PROX1: variants seen among roughly 807,000 people sequenced by gnomAD.
PROX1 encodes prospero homeobox 1.
Under a neutral mutation model 58.8 loss-of-function variants are expected in PROX1, and 7 were observed. The ratio of observed to expected loss-of-function variants is 0.12; its 90% confidence interval spans 0.07 to 0.22. PROX1 has a LOEUF of 0.22. Ranked by LOEUF, PROX1 falls within the 10% of genes least tolerant of loss-of-function variation. The pLI is 1.00. For synonymous variants in PROX1, 350 were observed against 358.3 expected (o/e 0.98, Z 0.26); for missense variants, 675 against 927.8 (o/e 0.73, Z 3.54).
intron 2 of PROX1, among the ~76,000 whole-genome samples, chr1:214,003,149 A>G (rs868284249): frequency 1.2e-4 from 19 of 152,264 alleles, no homozygotes; most frequent in Admixed American, 3.3e-4. Context: ...AATTAGATGT[A>G]TTAAAAGCTT....
intron 4 of PROX1, among the ~76,000 whole-genome samples, chr1:214,031,459 G>C (rs1664654895): frequency 6.6e-6 from 1 of 152,064 alleles, no homozygotes; most frequent in South Asian, 2.1e-4. Flanking sequence ...CCTGTGGCAT[G>C]TCCAAAGGCA....
At position 214,035,781 on chromosome 1, in the gene PROX1, G is replaced by C; in HGVS notation, c.2161G>C (p.Val721Leu). 6.2e-7 allele frequency: 1 copy of C among 1,613,924 alleles called. No homozygotes were observed. Among genetic ancestry groups the C allele is most frequent in the African/African-American group, 1.3e-5 (1 of 75,042 alleles). Residue 721 changes from valine to leucine, a missense_variant, in exon 5 of 5, where the codon GTC (valine) becomes CTC (leucine). Physicochemically the swap from Val to Leu is conservative, Grantham distance 32. Transcript: ENST00000366958. ...GGTCATCTGCAAGCTGGATAGTGAA[G>C]TCCCTGAGATTTTCAAATCCCCGAA... ...YKVICKLDSE[V>L]PEIFKSPNCL...
intron 4 of PROX1, 98 bp from the exon 5 acceptor site, chr1:214,035,551 C>G (rs1664800498): frequency 1.6e-6 from 2 of 1,227,800 alleles, no homozygotes; most frequent in South Asian, 3.5e-5. Flanking sequence ...CCATGTAAGC[C>G]CCTTTCTGCA....
chr1:214,014,746 C>T (rs1471153467), intron 4 of PROX1, among the ~76,000 whole-genome samples: 3 of 152,192 alleles, frequency 2.0e-5, no homozygotes, highest in Middle Eastern at 3.2e-3. Flanking sequence ...GGTTTGACGT[C>T]TCTTCACTAC....
At chr1:214,032,394 TC>T (rs1476298844) in intron 4 of PROX1, among the ~76,000 whole-genome samples, 1 of 151,654 alleles carries the variant, frequency 6.6e-6, no homozygotes, top group African/African-American at 2.4e-5. Context: ...ATTTTAAACT[TC>T]TTTTTTTTTT....
In PROX1 at chr1:214,040,841, G is replaced by T. The variant is rs1386499698; in HGVS notation, c.*5007G>T. The stretch of plus-strand genomic sequence containing the variant: ...TTCTGAAGACTTTGCATAATTTATT[G>T]GTTTAATTTATCCTAATTTATTTGA... On this transcript the variant is annotated 3_prime_UTR_variant, in exon 5 of 5. Transcript: ENST00000366958. 2.6e-5 allele frequency: 4 copies of T among 151,380 alleles called. No individual in the cohort carries two copies. The highest frequency in any genetic ancestry group is 5.9e-5 in the Non-Finnish European group (4 of 67,794). The allele number at this position is 151,380 out of a possible 1,614,324, so 9.4% of individuals were successfully genotyped here.
At chr1:214,019,796 C>A (rs1664219592) in intron 4 of PROX1, among the ~76,000 whole-genome samples, 1 of 152,200 alleles carries the variant, frequency 6.6e-6, no homozygotes. Flanking sequence ...GCTTCATTAG[C>A]CCTGCTGCCG....
intron 4 of PROX1, chr1:214,029,935 C>T (rs899503148): frequency 2.0e-5 from 3 of 152,518 alleles, no homozygotes; most frequent in African/African-American, 7.2e-5. Context: ...GTAGAACAGC[C>T]ACAGCGGATT....
At chr1:213,993,197 G>A (rs2102685412) in intron 1 of PROX1, among the ~76,000 whole-genome samples, 1 of 152,150 alleles carries the variant, frequency 6.6e-6, no homozygotes, top group East Asian at 1.9e-4. Context: ...GGGGTTTACA[G>A]GAATAGAGTA....
intron 4 of PROX1, among the ~76,000 whole-genome samples, chr1:214,035,121 CTT>C (rs1279571549): frequency 6.6e-6 from 1 of 152,118 alleles, no homozygotes; most frequent in Non-Finnish European, 1.5e-5. Context: ...TAATATACAA[CTT>C]AGCATCTGAG....
At chr1:213,991,211 A>G (rs891984508) in intron 1 of PROX1, among the ~76,000 whole-genome samples, 4 of 152,216 alleles carry the variant, frequency 2.6e-5, no homozygotes, top group African/African-American at 9.6e-5. Flanking sequence ...TGGGAATTCA[A>G]TGTAAGCACT....
Position 214,039,147 on chromosome 1 carries a change from C to T in PROX1, c.*3313C>T, listed in dbSNP as rs1199521040. The T allele has an allele frequency of 6.6e-6, 1 of 152,134 alleles. No homozygotes were observed. The highest frequency in any genetic ancestry group is 2.4e-5 in the African/African-American group (1 of 41,440). 9.4% of individuals were successfully genotyped at this position (152,134 alleles called of 1,614,324 possible). A position where few individuals can be genotyped will look rare whatever the true frequency, so the allele number is the denominator to read the frequency against. On this transcript the variant is annotated 3_prime_UTR_variant, in exon 5 of 5. Transcript: ENST00000366958. ...GTGTGAAGTGGAAAGCTTACCTTTTCCTATCTAGATTTAAGAACCTATTTT... is the reference window on the plus strand; with the variant it reads ...GTGTGAAGTGGAAAGCTTACCTTTTTCTATCTAGATTTAAGAACCTATTTT...
chr1:213,996,631 A>AT lies in PROX1; in HGVS notation c.102dup (p.Ala35CysfsTer2). 1 of 1,614,160 alleles carries AT rather than the reference A, an allele frequency of 6.2e-7. No individual in the cohort carries two copies. Among genetic ancestry groups the AT allele is most frequent in the Non-Finnish European group, 8.5e-7 (1 of 1,180,028 alleles). On this transcript the variant is annotated frameshift_variant, in exon 2 of 5. Coordinates refer to ENST00000366958, the MANE Select transcript of PROX1 (RefSeq NM_001270616.2). LOFTEE classifies it high-confidence loss of function. ...AAAGGACGGTAGGGACAGCATCTGCATTTTTTGCTAAGGCAAGAGCAACGT... is the reference window on the plus strand; with the variant it reads ...AAAGGACGGTAGGGACAGCATCTGCATTTTTTTGCTAAGGCAAGAGCAACGT...
intron 4 of PROX1, among the ~76,000 whole-genome samples, chr1:214,017,864 A>G (rs1217681762): frequency 6.6e-6 from 1 of 152,106 alleles, no homozygotes; most frequent in African/African-American, 2.4e-5. Context: ...AAGTTCAGAA[A>G]CAGTGTGTGG....
chr1:214,007,759 T>G (rs1383185436), intron 3 of PROX1, among the ~76,000 whole-genome samples: 2 of 152,228 alleles, frequency 1.3e-5, no homozygotes, highest in African/African-American at 4.8e-5. Context: ...GTGTGTCTAT[T>G]TATTTGCAAG....
At chr1:214,003,144 G>A (rs1314690961) in intron 2 of PROX1, among the ~76,000 whole-genome samples, 3 of 152,180 alleles carry the variant, frequency 2.0e-5, no homozygotes, top group Non-Finnish European at 4.4e-5. Context: ...GCATAAATTA[G>A]ATGTATTAAA....
intron 4 of PROX1, among the ~76,000 whole-genome samples, chr1:214,016,176 T>C (rs566024615): frequency 3.3e-5 from 5 of 152,006 alleles, no homozygotes; most frequent in East Asian, 1.9e-4. Flanking sequence ...CTCTTGGAAA[T>C]AGAAAATAAA....
At chr1:214,022,814 G>A (rs1664328302) in intron 4 of PROX1, among the ~76,000 whole-genome samples, 1 of 152,158 alleles carries the variant, frequency 6.6e-6, no homozygotes, top group Non-Finnish European at 1.5e-5. Context: ...GAAATTTTGT[G>A]ACTCTAGAAT....
chr1:213,987,133 A>G (rs971002724), upstream of PROX1, among the ~76,000 whole-genome samples: 6 of 152,200 alleles, frequency 3.9e-5, no homozygotes, highest in African/African-American at 1.4e-4. Context: ...AGGCTGCTTT[A>G]CCTACAATCC....
Sources: gnomAD v4.1 joint callset for allele counts (sites outside exome capture counted in the v4.1 genomes callset) on GRCh38, gnomAD v4.1.1 for gene constraint, MANE v1.5 for transcripts, NCBI Gene and HGNC (gene_info 2026-07-23, HGNC 2026-07-21) for gene names.